Variants in NBAS observed in about 807,000 individuals in gnomAD.
NBAS encodes NAG/BC035112 fusion.
Under a neutral mutation model 302.5 loss-of-function variants are expected in NBAS, and 219 were observed. That is an observed-to-expected ratio of 0.72 (90% confidence interval 0.65 to 0.81). The LOEUF is 0.81. Ranked by LOEUF, NBAS falls within the 30% of genes least tolerant of loss-of-function variation. The pLI is 0.00. For synonymous variants in NBAS, 1,118 were observed against 1,021.6 expected, an observed-to-expected ratio of 1.09 and a Z score of -1.80; for missense variants, 2,932 against 2,841.6, an observed-to-expected ratio of 1.03 and a Z score of -0.72.
intron 48 of NBAS, among the ~76,000 whole-genome samples, chr2:15,202,510 GTGTT>G (rs1207499359): frequency 1.6e-4 from 21 of 131,512 alleles, no homozygotes; most frequent in Non-Finnish European, 2.7e-4. Context: ...ATAAATACGT[GTGTT>G]TGTTTGTTTA....
At chr2:15,209,903 G>A (rs188817784) in intron 48 of NBAS, among the ~76,000 whole-genome samples, 22 of 152,246 alleles carry the variant, frequency 1.4e-4, no homozygotes, top group Admixed American at 1.4e-3. Flanking sequence ...AATGCTGCTA[G>A]GAAAACTGGA....
At chr2:15,090,920 A>G in the NBAS span, among the ~76,000 whole-genome samples, 1 of 152,208 alleles carries the variant, frequency 6.6e-6, no homozygotes, top group Admixed American at 6.5e-5. Context: ...CATGGGGTTC[A>G]GCTAAGTCCT....
chr2:15,383,447 A>T lies in NBAS; in HGVS notation c.3258-130T>A, dbSNP rs149481490. Reference sequence around the variant, plus strand: ...CTATATCCACATCAGCTCTCAAATGATCAAAAAGAATATATCTCCTTTAAA... The same window carrying T: ...CTATATCCACATCAGCTCTCAAATGTTCAAAAAGAATATATCTCCTTTAAA... On this transcript the variant is annotated intron_variant, in intron 28 of 51. Transcript: ENST00000281513. 220 of 727,842 alleles carry T rather than the reference A, an allele frequency of 3.0e-4. 1 individual carries two copies. In the African/African-American group the frequency reaches 3.7e-3, roughly 12 times the overall value. 45.1% of individuals were successfully genotyped at this position (727,842 alleles called of 1,614,324 possible). A position where few individuals can be genotyped will look rare whatever the true frequency, so the allele number is the denominator to read the frequency against.
intron 44 of NBAS, among the ~76,000 whole-genome samples, chr2:15,271,370 T>G (rs895265380): frequency 6.6e-6 from 1 of 152,202 alleles, no homozygotes; most frequent in African/African-American, 2.4e-5. Flanking sequence ...TAAGAGGTTC[T>G]CAATAATTTT....
At chr2:15,314,096 G>A (rs554988310) in intron 38 of NBAS, among the ~76,000 whole-genome samples, 83 of 152,282 alleles carry the variant, frequency 5.5e-4, no homozygotes, top group African/African-American at 1.6e-3. Context: ...GCTCATGCCT[G>A]TAATCCCAGC....
At chr2:15,542,057 C>A (rs1181081603) in intron 6 of NBAS, among the ~76,000 whole-genome samples, 2 of 84,644 alleles carry the variant, frequency 2.4e-5, no homozygotes, top group African/African-American at 8.5e-5. Flanking sequence ...GTGAGGGGCG[C>A]CTCTGCCCGG....
chr2:15,481,227 G>A (rs1334091129), intron 12 of NBAS, among the ~76,000 whole-genome samples: 7 of 152,130 alleles, frequency 4.6e-5, no homozygotes, highest in East Asian at 1.9e-4. Context: ...CCATATATCC[G>A]TTAATGGACA....
At chr2:15,465,087 A>G (rs1294056321) in intron 19 of NBAS, among the ~76,000 whole-genome samples, 4 of 152,240 alleles carry the variant, frequency 2.6e-5, no homozygotes, top group African/African-American at 9.6e-5. Flanking sequence ...GCTGACAAAT[A>G]GTTAAGTCCT....
rs1213413799 is a variant in NBAS, at chr2:15,366,573, G to T, written c.3817+7C>A. 6.2e-7 allele frequency: 1 copy of T among 1,609,594 alleles called. No homozygotes were observed. The highest frequency in any genetic ancestry group is 8.5e-7 in the Non-Finnish European group (1 of 1,176,042). ...TTATTCTGCAGTTTAGTACTCAAAAGACTTACCTGCAACCCTCAGCAGCTC... is the reference window on the plus strand; with the variant it reads ...TTATTCTGCAGTTTAGTACTCAAAATACTTACCTGCAACCCTCAGCAGCTC... On this transcript the variant is annotated splice_region_variant and intron_variant, in intron 32 of 51. Coordinates refer to ENST00000281513, the MANE Select transcript of NBAS (RefSeq NM_015909.4).
intron 40 of NBAS, among the ~76,000 whole-genome samples, chr2:15,303,277 T>C (rs1306687842): frequency 6.6e-6 from 1 of 152,136 alleles, no homozygotes; most frequent in African/African-American, 2.4e-5. Flanking sequence ...AGAAGCTGGA[T>C]GGAAGAAACA....
At chr2:15,458,158 A>G (rs1001716482) in intron 21 of NBAS, among the ~76,000 whole-genome samples, 3 of 152,216 alleles carry the variant, frequency 2.0e-5, no homozygotes, top group South Asian at 2.1e-4. Flanking sequence ...GAAATGAGGG[A>G]AAAAGGCAGA....
intron 27 of NBAS, among the ~76,000 whole-genome samples, chr2:15,395,093 T>C (rs1675804068): frequency 6.6e-6 from 1 of 152,202 alleles, no homozygotes; most frequent in East Asian, 1.9e-4. Flanking sequence ...AGCTCTTAGT[T>C]TGAAAGCACA....
intron 44 of NBAS, among the ~76,000 whole-genome samples, chr2:15,264,983 A>G (rs577311932): frequency 7.6e-4 from 116 of 152,266 alleles, no homozygotes; most frequent in African/African-American, 2.7e-3. Context: ...TCTCCAGTTC[A>G]TGCCACTATT....
chr2:15,125,006 G>T, the NBAS span, among the ~76,000 whole-genome samples: 1 of 152,142 alleles, frequency 6.6e-6, no homozygotes, highest in African/African-American at 2.4e-5. Flanking sequence ...TGGGAAGGGG[G>T]CTGCCATCCT....
At chr2:15,017,225 T>C in the NBAS span, among the ~76,000 whole-genome samples, 38 of 151,862 alleles carry the variant, frequency 2.5e-4, no homozygotes, top group African/African-American at 8.5e-4. Flanking sequence ...GAAGAAAACA[T>C]AGAGGAAATA....
intron 19 of NBAS, among the ~76,000 whole-genome samples, chr2:15,465,235 T>C (rs1281673647): frequency 1.3e-5 from 2 of 152,204 alleles, no homozygotes; most frequent in African/African-American, 4.8e-5. Context: ...AATCTCTAAC[T>C]GTATGGAGAC....
chr2:15,221,176 T>G (rs1273192848), intron 47 of NBAS, among the ~76,000 whole-genome samples: 1 of 152,180 alleles, frequency 6.6e-6, no homozygotes, highest in Non-Finnish European at 1.5e-5. Context: ...TACAGTGTAA[T>G]GGGTCTAACG....
chr2:14,936,202 A>C, the NBAS span, among the ~76,000 whole-genome samples: 1 of 152,204 alleles, frequency 6.6e-6, no homozygotes, highest in Non-Finnish European at 1.5e-5. Flanking sequence ...ACCATAGCAG[A>C]ATTATGGGAT....
the NBAS span, among the ~76,000 whole-genome samples, chr2:14,891,212 G>A: frequency 6.6e-6 from 1 of 152,176 alleles, no homozygotes; most frequent in African/African-American, 2.4e-5. Flanking sequence ...TACGGGACAG[G>A]AGTCCCTGTT....
Sources: allele counts gnomAD v4.1 joint callset (sites outside exome capture counted in the v4.1 genomes callset), GRCh38; gene constraint gnomAD v4.1.1; transcripts MANE v1.5; gene names NCBI Gene and HGNC (gene_info 2026-07-23, HGNC 2026-07-21).